The following UGT2A3 variants were observed in gnomAD, a reference collection of about 807,000 sequenced individuals.
The protein encoded by UGT2A3 is UDP-glucuronosyltransferase 2A3.
A neutral mutation model predicts 44.1 loss-of-function variants in UGT2A3; 55 were observed. The observed-to-expected ratio is 1.25, with a 90% CI of 1.00 to 1.56. The LOEUF is 1.56. UGT2A3 is among the 40% of genes most tolerant of loss of function. The pLI is 0.00. For synonymous variants in UGT2A3, 243 were observed against 215.1 expected (o/e 1.13, Z -1.13); for missense variants, 733 against 621.6 (o/e 1.18, Z -1.91).
intron 2 of UGT2A3, among the ~76,000 whole-genome samples, chr4:68,933,176 G>A (rs373414950): frequency 1.1e-4 from 17 of 151,972 alleles, no homozygotes; most frequent in Admixed American, 9.8e-4. Context: ...GCAACTATTC[G>A]AATATAAAAA....
Position 68,940,705 on chromosome 4 carries a change from TAA to T in UGT2A3, c.864+4599_864+4600del, listed in dbSNP as rs1445581279. ...GAACTTAAAGTATTTTATATATATA[TAA>T]AACTTAAAGTATTGTATATATATAA... On this transcript the variant is annotated intron_variant, in intron 2 of 5. Coordinates refer to ENST00000251566, the MANE Select transcript of UGT2A3 (RefSeq NM_024743.4). 2.0e-4 allele frequency among the ~76,000 whole-genome samples: 29 copies of T among 147,992 alleles called. No homozygotes were observed. The South Asian group carries it at 5.9e-3, about 30-fold the overall frequency.
intron 2 of UGT2A3, among the ~76,000 whole-genome samples, chr4:68,941,234 G>A (rs1406399287): frequency 6.6e-6 from 1 of 151,694 alleles, no homozygotes; most frequent in African/African-American, 2.4e-5. Flanking sequence ...AGAAGTCAGT[G>A]CTGTGCTTCT....
chr4:68,933,067 A>G (rs753824377), intron 2 of UGT2A3, among the ~76,000 whole-genome samples: 17 of 152,062 alleles, frequency 1.1e-4, no homozygotes, highest in Non-Finnish European at 1.9e-4. Context: ...TAAAACCAAA[A>G]TAATTTGCTA....
chr4:68,951,476 C>A lies in UGT2A3; in HGVS notation c.285G>T (p.Leu95=). The change falls in exon 1 of 6, where the codon CTG becomes CTT. Residue 95 remains leucine, a synonymous_variant. Transcript: ENST00000251566. The part of the protein sequence containing the change: ...EENEIFVDLA[L]NVLPGLSTWQ... ...AGGTTGATAAGCCTGGCAAGACATTCAGAGCTAGGTCAACAAATATTTCAT... is the reference window on the plus strand; with the variant it reads ...AGGTTGATAAGCCTGGCAAGACATTAAGAGCTAGGTCAACAAATATTTCAT... The A allele has an allele frequency of 6.2e-7, 1 of 1,612,576 alleles. No homozygotes were observed. Among genetic ancestry groups the A allele is most frequent in the Non-Finnish European group, 8.5e-7 (1 of 1,179,242 alleles).
intron 2 of UGT2A3, among the ~76,000 whole-genome samples, chr4:68,945,061 CA>C (rs747565912): frequency 1.3e-5 from 2 of 151,604 alleles, no homozygotes; most frequent in African/African-American, 2.4e-5. Context: ...ATTTATTATC[CA>C]AACTATTGTA....
chr4:68,944,740 C>T (rs1718318968), intron 2 of UGT2A3, among the ~76,000 whole-genome samples: 1 of 151,710 alleles, frequency 6.6e-6, no homozygotes, highest in South Asian at 2.1e-4. Context: ...TGGATAGTCA[C>T]AACACAGAAT....
rs1437004848 is a variant in UGT2A3 at position 68,929,396 on chromosome 4, T to A, written c.*417A>T. 1 of 154,682 alleles carries A rather than the reference T, an allele frequency of 6.5e-6. No homozygotes were observed. The highest frequency in any genetic ancestry group is 2.4e-5 in the African/African-American group (1 of 41,564). The allele number at this position is 154,682 out of a possible 1,614,324, so 9.6% of individuals were successfully genotyped here. On this transcript the variant is annotated 3_prime_UTR_variant, in exon 6 of 6. Coordinates refer to ENST00000251566, the MANE Select transcript of UGT2A3 (RefSeq NM_024743.4). ...CATTATGTTTCTCATAGCCAGCTAA[T>A]CTCATAGAACACTTACCTGATTTGT...
intron 1 of UGT2A3, among the ~76,000 whole-genome samples, chr4:68,948,414 T>G (rs1278771468): frequency 6.7e-6 from 1 of 150,058 alleles, no homozygotes; most frequent in East Asian, 2.0e-4. Context: ...GTGGTTGGTT[T>G]AATTTTTTTT....
In UGT2A3 at chr4:68,930,657, A is replaced by G. The variant is rs1199561426; in HGVS notation, c.1193T>C (p.Leu398Pro). 1.2e-6 allele frequency: 2 copies of G among 1,613,476 alleles called. No homozygotes were observed. The highest frequency in any genetic ancestry group is 1.3e-5 in the African/African-American group (1 of 74,894). Residue 398 changes from leucine (L) to proline (P), a missense_variant, in exon 5 of 6, where the codon CTT becomes CCT. Physicochemically the swap from Leu to Pro is moderately conservative, Grantham distance 98. Transcript: ENST00000251566. ...MVGVPIFGDQ[L>P]DNIAHMKAKG... ...GGCCTTCATGTGAGCTATGTTATCA[A>G]GCTGATCACCAAATATGGGAACTCC...
At chr4:68,933,113 G>A (rs572705827) in intron 2 of UGT2A3, among the ~76,000 whole-genome samples, 6 of 152,098 alleles carry the variant, frequency 3.9e-5, no homozygotes, top group African/African-American at 1.4e-4. Context: ...TGACATCAGC[G>A]AGATGGTGGA....
At chr4:68,934,737 G>C (rs924767499) in intron 2 of UGT2A3, among the ~76,000 whole-genome samples, 1 of 76,168 alleles carries the variant, frequency 1.3e-5, no homozygotes, top group African/African-American at 4.0e-5. Flanking sequence ...GATGGTGTAT[G>C]CCTGTCTCAG....
At chr4:68,931,320 T>C in intron 3 of UGT2A3, 78 bp from the exon 4 acceptor site, 1 of 1,186,804 alleles carries the variant, frequency 8.4e-7, no homozygotes. Context: ...TAGTTATAAA[T>C]TATAAACTCA....
intron 1 of UGT2A3, among the ~76,000 whole-genome samples, chr4:68,948,980 A>G (rs1050756321): frequency 2.6e-5 from 4 of 151,806 alleles, no homozygotes; most frequent in African/African-American, 9.7e-5. Context: ...AAGTGCAGGG[A>G]TCAGATAATG....
At chr4:68,948,570 C>T (rs2109797072) in intron 1 of UGT2A3, among the ~76,000 whole-genome samples, 1 of 150,940 alleles carries the variant, frequency 6.6e-6, no homozygotes, top group Non-Finnish European at 1.5e-5. Flanking sequence ...ACCTGAGCCT[C>T]CCAAGTTACT....
intron 3 of UGT2A3, 91 bp downstream of exon 3, chr4:68,932,537 G>C: frequency 6.8e-7 from 1 of 1,476,194 alleles, no homozygotes; most frequent in Non-Finnish European, 9.1e-7. Context: ...TACCTGTTAT[G>C]CTAAGTGGAA....
chr4:68,948,430 C>CTTTTTCTTCTTTTTTTTTTTTTTTTT (rs772753904), intron 1 of UGT2A3, among the ~76,000 whole-genome samples: 2 of 69,706 alleles, frequency 2.9e-5, no homozygotes, highest in Non-Finnish European at 3.6e-5. Context: ...TTTTTCTTTT[C>CTTTTTCTTCTTTTTTTTTTTTTTTTT]TTTTTTTTCT....
chr4:68,938,059 CA>C (rs1718022876), intron 2 of UGT2A3, among the ~76,000 whole-genome samples: 1 of 149,880 alleles, frequency 6.7e-6, no homozygotes. Flanking sequence ...GAAATTGAGG[CA>C]ATAATATCCT....
intron 2 of UGT2A3, 27 bp downstream of exon 2, chr4:68,945,279 T>C: frequency 6.2e-7 from 1 of 1,609,146 alleles, no homozygotes; most frequent in Non-Finnish European, 8.5e-7. Context: ...ATAAAGTACA[T>C]AATATTCCTT....
Position 68,929,850 on chromosome 4 carries a change from T to A in UGT2A3, c.1547A>T (p.Lys516Ile), listed in dbSNP as rs1361803462. 6.2e-7 allele frequency: 1 copy of A among 1,606,998 alleles called. No individual in the cohort carries two copies. Among genetic ancestry groups the A allele is most frequent in the Admixed American group, 1.7e-5 (1 of 59,100 alleles). Reference protein sequence around the residue: ...FTKCFLFSCQKFNKTRKIEKR... With the variant: ...FTKCFLFSCQIFNKTRKIEKR... ...TTCTATCTTTCTAGTTTTATTAAAT[T>A]TTTGACAGGAAAATAAAAAACATTT... is the stretch of plus-strand genomic sequence containing the variant. Residue 516 changes from lysine to isoleucine, a missense_variant, in exon 6 of 6, where the codon AAA becomes ATA. By Grantham distance (102) the Lys-to-Ile change is moderately radical (BLOSUM62 -3). Coordinates refer to ENST00000251566, the MANE Select transcript of UGT2A3 (RefSeq NM_024743.4).
Sources: allele counts gnomAD v4.1 joint callset (sites outside exome capture counted in the v4.1 genomes callset), GRCh38; gene constraint gnomAD v4.1.1; transcripts MANE v1.5; gene names NCBI Gene and HGNC (gene_info 2026-07-23, HGNC 2026-07-21).